EFNA5: variants seen among roughly 807,000 people sequenced by gnomAD.
EFNA5 encodes ephrin-A5.
A neutral mutation model predicts 22.9 loss-of-function variants in EFNA5; 5 were observed. The observed-to-expected ratio is 0.22, with a 90% confidence interval of 0.11 to 0.46. The LOEUF is 0.46. EFNA5 is among the 20% of genes least tolerant of loss of function. The probability of loss-of-function intolerance (pLI) is 0.99; values close to 1 mark genes in which losing one functional copy is unlikely to be tolerated. For missense variants in EFNA5, 237 were observed against 293.3 expected, an observed-to-expected ratio of 0.81 and a Z score of 1.40; for synonymous variants, 113 against 112.2, an observed-to-expected ratio of 1.01 and a Z score of -0.04.
intron 1 of EFNA5, among the ~76,000 whole-genome samples, chr5:107,592,028 T>TAATATATATTA (rs1561443294): frequency 1.5e-5 from 1 of 68,504 alleles, no homozygotes; most frequent in African/African-American, 1.2e-4. Context: ...ATAATATATA[T>TAATATATATTA]TATATATTAT....
rs190998598 is a variant in EFNA5 at position 107,467,205 on chromosome 5, T to A, written c.126-39696A>T. Among the ~76,000 whole-genome samples, 1,211 of 152,260 alleles carry A rather than the reference T, an allele frequency of 8.0e-3. 16 individuals are homozygous for A. Among genetic ancestry groups the A allele is most frequent in the African/African-American group, 0.028 (1,168 of 41,544 alleles). ...AATCTCATCACTTAGGGCAGTACTT[T>A]CAAAGTGAATACCTAGACCTTTAGC... is the stretch of plus-strand genomic sequence containing the variant. On this transcript the variant is annotated intron_variant, in intron 1 of 4. Transcript: ENST00000333274.
At chr5:107,567,145 C>T (rs561721396) in intron 1 of EFNA5, among the ~76,000 whole-genome samples, 10 of 152,284 alleles carry the variant, frequency 6.6e-5, no homozygotes, top group Admixed American at 1.3e-4. Flanking sequence ...TGTAGCACAA[C>T]CCTCCCTGTG....
intron 1 of EFNA5, among the ~76,000 whole-genome samples, chr5:107,491,474 G>T (rs1746805283): frequency 6.6e-6 from 1 of 152,076 alleles, no homozygotes; most frequent in African/African-American, 2.4e-5. Context: ...ACCATGCCTG[G>T]CTACTTTTTG....
chr5:107,559,102 A>G (rs573017673), intron 1 of EFNA5, among the ~76,000 whole-genome samples: 2 of 152,326 alleles, frequency 1.3e-5, no homozygotes, highest in East Asian at 3.9e-4. Context: ...TTCGTAAATC[A>G]CTGGGATGGT....
rs192388087 is a variant in EFNA5 at position 107,451,946 on chromosome 5, T to G, written c.126-24437A>C. ...ACACGTATGTTTATTGTAGTACTAT[T>G]TACAATAGCAAAGACATGGAACCAA... On this transcript the variant is annotated intron_variant, in intron 1 of 4. Coordinates refer to ENST00000333274, the MANE Select transcript of EFNA5 (RefSeq NM_001962.3). Among the ~76,000 whole-genome samples, 388 of 152,248 alleles carry G rather than the reference T, an allele frequency of 2.5e-3. 2 individuals carry two copies. The highest frequency in any genetic ancestry group is 9.0e-3 in the African/African-American group (374 of 41,526).
chr5:107,589,191 T>C (rs932317854), intron 1 of EFNA5, among the ~76,000 whole-genome samples: 2 of 152,194 alleles, frequency 1.3e-5, no homozygotes, highest in South Asian at 4.1e-4. Context: ...AACTGAATTA[T>C]GCTTGACAAG....
chr5:107,619,134 C>A (rs1749983888), intron 1 of EFNA5, among the ~76,000 whole-genome samples: 2 of 151,818 alleles, frequency 1.3e-5, no homozygotes, highest in Non-Finnish European at 2.9e-5. Flanking sequence ...GCTGTGTTAG[C>A]CAGGATGGTG....
chr5:107,606,912 C>CTTTTTTTTT (rs1749736265), intron 1 of EFNA5, among the ~76,000 whole-genome samples: 2 of 152,210 alleles, frequency 1.3e-5, no homozygotes, highest in African/African-American at 2.4e-5. Flanking sequence ...TTGTTAATTT[C>CTTTTTTTTT]TTTTTAAAAT....
chr5:107,649,175 T>C (rs1750682643), intron 1 of EFNA5, among the ~76,000 whole-genome samples: 1 of 152,104 alleles, frequency 6.6e-6, no homozygotes, highest in African/African-American at 2.4e-5. Context: ...TCAATCACCT[T>C]GTAAAGATGA....
At chr5:107,595,865 C>T (rs752562702) in intron 1 of EFNA5, among the ~76,000 whole-genome samples, 6 of 152,026 alleles carry the variant, frequency 3.9e-5, no homozygotes, top group Non-Finnish European at 8.8e-5. Context: ...ATCTACATAC[C>T]CAATAAATGA....
chr5:107,436,319 G>A (rs1441532087), intron 1 of EFNA5, among the ~76,000 whole-genome samples: 2 of 152,188 alleles, frequency 1.3e-5, no homozygotes, highest in African/African-American at 4.8e-5. Context: ...TCAGGAAGGG[G>A]CTGGAAGCTT....
At chr5:107,580,826 T>A (rs920440217) in intron 1 of EFNA5, among the ~76,000 whole-genome samples, 3 of 152,082 alleles carry the variant, frequency 2.0e-5, no homozygotes, top group African/African-American at 7.2e-5. Flanking sequence ...TACCACTCCA[T>A]TAGCTGTGTC....
intron 1 of EFNA5, among the ~76,000 whole-genome samples, chr5:107,565,952 C>T (rs1580533555): frequency 6.6e-6 from 1 of 152,202 alleles, no homozygotes; most frequent in South Asian, 2.1e-4. Context: ...TTTGGAATAT[C>T]CTTTTGTCAT....
At chr5:107,397,346 C>T (rs914487287) in intron 2 of EFNA5, among the ~76,000 whole-genome samples, 4 of 152,120 alleles carry the variant, frequency 2.6e-5, no homozygotes, top group Non-Finnish European at 5.9e-5. Context: ...GTCTGGAGTT[C>T]AACACCAGCC....
intron 1 of EFNA5, among the ~76,000 whole-genome samples, chr5:107,428,697 TAA>T (rs1295069220): frequency 6.6e-6 from 1 of 152,186 alleles, no homozygotes; most frequent in Non-Finnish European, 1.5e-5. Context: ...ACAATGCTCA[TAA>T]AGTCATATAA....
rs559631433 is a variant in EFNA5, at chr5:107,379,374, G to A, written c.*1881C>T. The A allele has an allele frequency of 3.3e-5, 5 of 151,994 alleles. No homozygotes were observed. The highest frequency in any genetic ancestry group is 1.2e-4 in the African/African-American group (5 of 41,440). The allele number at this position is 151,994 out of a possible 1,614,324, so 9.4% of individuals were successfully genotyped here. On this transcript the variant is annotated 3_prime_UTR_variant, in exon 5 of 5. Coordinates refer to ENST00000333274, the MANE Select transcript of EFNA5 (RefSeq NM_001962.3). ...CAATTCTAAGCAAATTCCCATTCAC[G>A]AAGTCTGTCCATAATGCGACCTTCT...
At chr5:107,597,749 G>A (rs1036306044) in intron 1 of EFNA5, among the ~76,000 whole-genome samples, 3 of 152,110 alleles carry the variant, frequency 2.0e-5, no homozygotes, top group Non-Finnish European at 2.9e-5. Flanking sequence ...TCAACAGACC[G>A]TGAACCAGAG....
chr5:107,462,400 A>C (rs915032122), intron 1 of EFNA5, among the ~76,000 whole-genome samples: 6 of 152,188 alleles, frequency 3.9e-5, no homozygotes, highest in Non-Finnish European at 7.4e-5. Context: ...AACAGGACAA[A>C]TGCTGTATTG....
chr5:107,625,904 A>C (rs1750131612), intron 1 of EFNA5, among the ~76,000 whole-genome samples: 1 of 152,218 alleles, frequency 6.6e-6, no homozygotes, highest in Non-Finnish European at 1.5e-5. Context: ...GTTTTCTTAA[A>C]TTACAATATA....
Sources: gnomAD v4.1 joint callset for allele counts (sites outside exome capture counted in the v4.1 genomes callset) on GRCh38, gnomAD v4.1.1 for gene constraint, MANE v1.5 for transcripts, NCBI Gene and HGNC (gene_info 2026-07-23, HGNC 2026-07-21) for gene names.